The following PDSS2 variants were observed in gnomAD, a reference collection of about 807,000 sequenced individuals.
PDSS2 encodes all trans-polyprenyl-diphosphate synthase PDSS2.
PDSS2 carries 31 observed loss-of-function variants against 44.5 expected under a neutral mutation model. That is an observed-to-expected ratio of 0.70 (90% CI 0.52 to 0.94). The LOEUF (loss-of-function observed/expected upper bound fraction) is 0.94, where lower values mean the gene tolerates loss of function less well. Ranked by LOEUF, PDSS2 falls within the 40% of genes least tolerant of loss-of-function variation. The pLI, the probability that PDSS2 is intolerant of heterozygous loss-of-function variation, is 0.00. For synonymous variants in PDSS2, 157 were observed against 180.3 expected, an observed-to-expected ratio of 0.87 and a Z score of 1.03; for missense variants, 452 against 482.2, an observed-to-expected ratio of 0.94 and a Z score of 0.59.
chr6:107,241,503 C>A (rs1313608488), intron 4 of PDSS2, among the ~76,000 whole-genome samples: 1 of 151,534 alleles, frequency 6.6e-6, no homozygotes, highest in African/African-American at 2.4e-5. Flanking sequence ...CCCACCACCA[C>A]GCCCAGCTAA....
At chr6:107,261,908 T>A (rs1323011163) in intron 3 of PDSS2, among the ~76,000 whole-genome samples, 81 of 10,784 alleles carry the variant, frequency 7.5e-3, no homozygotes, top group African/African-American at 0.027. Context: ...CTTTCTTTTC[T>A]TTTTTTTTTT....
intron 2 of PDSS2, among the ~76,000 whole-genome samples, chr6:107,291,557 G>T (rs1423508410): frequency 2.7e-5 from 4 of 148,960 alleles, no homozygotes; most frequent in Admixed American, 1.3e-4. Context: ...GAGACGGGGG[G>T]GTCTCACTAT....
intron 7 of PDSS2, among the ~76,000 whole-genome samples, chr6:107,162,494 C>CAAA (rs374615595): frequency 0.21 from 12,489 of 58,320 alleles, 1,946 homozygotes; most frequent in Non-Finnish European, 0.31. Flanking sequence ...GAGACCATCT[C>CAAA]AAAAAAAAAA....
intron 7 of PDSS2, among the ~76,000 whole-genome samples, chr6:107,178,389 A>G (rs1771865969): frequency 6.6e-6 from 1 of 152,182 alleles, no homozygotes; most frequent in East Asian, 1.9e-4. Flanking sequence ...TCTCTACGCT[A>G]TGGTGTTATG....
chr6:107,316,475 A>T (rs966373783), intron 2 of PDSS2, among the ~76,000 whole-genome samples: 2 of 152,152 alleles, frequency 1.3e-5, no homozygotes, highest in Admixed American at 6.5e-5. Context: ...AAATGCCATT[A>T]TATTCTAGTA....
chr6:107,205,836 T>C (rs917308278), intron 6 of PDSS2, among the ~76,000 whole-genome samples: 1 of 152,136 alleles, frequency 6.6e-6, no homozygotes, highest in African/African-American at 2.4e-5. Flanking sequence ...CCAGGGGTGC[T>C]CTTGCTCCTA....
intron 1 of PDSS2, among the ~76,000 whole-genome samples, chr6:107,407,062 G>A (rs1216699903): frequency 2.6e-5 from 4 of 152,118 alleles, no homozygotes; most frequent in Non-Finnish European, 5.9e-5. Context: ...TCCATCAAGA[G>A]ATGAACAGAT....
intron 2 of PDSS2, among the ~76,000 whole-genome samples, chr6:107,314,086 C>G (rs774885175): frequency 6.6e-6 from 1 of 152,068 alleles, no homozygotes; most frequent in Non-Finnish European, 1.5e-5. Flanking sequence ...CCACTGTTCT[C>G]TAGCCTGGGT....
At chr6:107,433,512 T>C (rs1271854951) in intron 1 of PDSS2, among the ~76,000 whole-genome samples, 5 of 152,128 alleles carry the variant, frequency 3.3e-5, no homozygotes, top group Admixed American at 1.3e-4. Flanking sequence ...AGAACATGCA[T>C]TGGGGAAAGG....
chr6:107,246,643 G>A (rs527888379), intron 3 of PDSS2, among the ~76,000 whole-genome samples: 1 of 152,218 alleles, frequency 6.6e-6, no homozygotes, highest in East Asian at 1.9e-4. Context: ...CAGGTACCCT[G>A]GGTTTAATAA....
Position 107,272,686 on chromosome 6 carries a change from A to G in PDSS2, c.630+1343T>C, listed in dbSNP as rs73509186. ...GAAAGCAGATTGGCAATATGTATCA[A>G]GAATACTAAAAATGTGGCCAGGCGT... On this transcript the variant is annotated intron_variant, in intron 3 of 7. Transcript: ENST00000369037. Among the ~76,000 whole-genome samples the G allele has an allele frequency of 4.2e-3, 633 of 152,312 alleles. 3 individuals carry two copies. Among genetic ancestry groups the G allele is most frequent in the African/African-American group, 0.015 (606 of 41,576 alleles).
chr6:107,324,799 A>T (rs1777487668), intron 2 of PDSS2, among the ~76,000 whole-genome samples: 1 of 152,120 alleles, frequency 6.6e-6, no homozygotes, highest in Non-Finnish European at 1.5e-5. Flanking sequence ...CTTAAGCCTC[A>T]TTTCTTAAGA....
intron 7 of PDSS2, among the ~76,000 whole-genome samples, chr6:107,193,189 C>A (rs1055477050): frequency 6.6e-6 from 1 of 152,194 alleles, no homozygotes; most frequent in Admixed American, 6.5e-5. Context: ...TTAACCAGGG[C>A]TGTGTGTCAG....
At chr6:107,396,524 A>G (rs1447503089) in intron 1 of PDSS2, among the ~76,000 whole-genome samples, 1 of 152,184 alleles carries the variant, frequency 6.6e-6, no homozygotes, top group Non-Finnish European at 1.5e-5. Context: ...AGAAATGGCA[A>G]TTCTAGATCC....
chr6:107,373,065 C>A (rs1779175786), intron 1 of PDSS2, among the ~76,000 whole-genome samples: 1 of 149,656 alleles, frequency 6.7e-6, no homozygotes, highest in Non-Finnish European at 1.5e-5. Context: ...CTCACCACAA[C>A]CTCCACCTCC....
intron 1 of PDSS2, among the ~76,000 whole-genome samples, chr6:107,427,823 T>C (rs1192134223): frequency 6.6e-6 from 1 of 152,234 alleles, no homozygotes; most frequent in African/African-American, 2.4e-5. Context: ...AAAAAATGGT[T>C]TGTAGATAGC....
intron 2 of PDSS2, among the ~76,000 whole-genome samples, chr6:107,276,291 C>T (rs1342894707): frequency 6.6e-6 from 1 of 152,126 alleles, no homozygotes; most frequent in Non-Finnish European, 1.5e-5. Flanking sequence ...AGCTGGATTT[C>T]AGAATTGCTA....
chr6:107,232,929 C>T (rs1285037887), intron 4 of PDSS2, among the ~76,000 whole-genome samples: 12 of 151,902 alleles, frequency 7.9e-5, no homozygotes, highest in Admixed American at 7.9e-4. Context: ...AGCATCGACC[C>T]CCTGGGCTCA....
chr6:107,420,623 G>A (rs1256013697), intron 1 of PDSS2, among the ~76,000 whole-genome samples: 2 of 151,832 alleles, frequency 1.3e-5, no homozygotes, highest in African/African-American at 2.4e-5. Flanking sequence ...GACATCCATG[G>A]GCAAAAATAA....
Sources: gnomAD v4.1 joint callset for allele counts (sites outside exome capture counted in the v4.1 genomes callset) on GRCh38, gnomAD v4.1.1 for gene constraint, MANE v1.5 for transcripts, NCBI Gene and HGNC (gene_info 2026-07-23, HGNC 2026-07-21) for gene names.